TRIM44: variants seen among roughly 807,000 people sequenced by gnomAD.
The protein encoded by TRIM44 is tripartite motif-containing protein 44.
TRIM44 carries 13 observed loss-of-function variants against 37.4 expected under a neutral mutation model. The ratio of observed to expected loss-of-function variants is 0.35; its 90% CI spans 0.23 to 0.55. The LOEUF is 0.55. TRIM44 is among the 20% of genes least tolerant of loss of function. The probability of loss-of-function intolerance (pLI) is 0.89; values close to 1 mark genes in which losing one functional copy is unlikely to be tolerated. For missense variants in TRIM44, 426 were observed against 437.2 expected (o/e 0.97, Z 0.23); for synonymous variants, 175 against 157.2 (o/e 1.11, Z -0.85).
At position 35,663,752 on chromosome 11, in the gene TRIM44, C is replaced by T. The variant is rs1194386704; in HGVS notation, c.641C>T (p.Thr214Ile). The T allele has an allele frequency of 3.7e-6, 6 of 1,613,864 alleles. No individual in the cohort carries two copies. The highest frequency in any genetic ancestry group is 1.1e-5 in the South Asian group (1 of 91,060). Reference protein sequence around the residue: ...IGAHQGHQLSTLDEAFEELRS... With the variant: ...IGAHQGHQLSILDEAFEELRS... ...GCTCACCAGGGCCACCAACTCTCCA[C>T]CCTAGACGAAGCCTTTGAAGAATTA... The change falls in exon 1 of 5, where the codon ACC (threonine) becomes ATC (isoleucine). Residue 214 changes from threonine to isoleucine, a missense_variant. Physicochemically the swap from Thr to Ile is moderately conservative, Grantham distance 89 (BLOSUM62 -1). Transcript: ENST00000299413.
chr11:35,693,893 C>A (rs922970338), intron 2 of TRIM44, among the ~76,000 whole-genome samples: 1 of 152,068 alleles, frequency 6.6e-6, no homozygotes, highest in African/African-American at 2.4e-5. Context: ...GAATAGAGTG[C>A]GCTAGGGAGA....
chr11:35,794,547 GCTTA>G (rs1853256658), intron 4 of TRIM44, among the ~76,000 whole-genome samples: 1 of 152,208 alleles, frequency 6.6e-6, no homozygotes, highest in South Asian at 2.1e-4. Context: ...TTCCAGTAAG[GCTTA>G]CTTGTTTGTA....
At chr11:35,741,303 C>G (rs1482543595) in intron 4 of TRIM44, among the ~76,000 whole-genome samples, 2 of 152,136 alleles carry the variant, frequency 1.3e-5, no homozygotes, top group Non-Finnish European at 2.9e-5. Flanking sequence ...TCACTTAAGT[C>G]AGATGAAAGT....
At chr11:35,689,516 CT>C (rs1444963845) in intron 2 of TRIM44, among the ~76,000 whole-genome samples, 2 of 152,050 alleles carry the variant, frequency 1.3e-5, no homozygotes, top group Admixed American at 6.6e-5. Context: ...AGTTTGCAAA[CT>C]TTTTTTTCTC....
chr11:35,703,709 A>T (rs557429539), intron 2 of TRIM44, among the ~76,000 whole-genome samples: 44 of 151,904 alleles, frequency 2.9e-4, no homozygotes, highest in African/African-American at 9.1e-4. Flanking sequence ...GTCCTGTCTG[A>T]TAGAAGGAAA....
chr11:35,784,262 A>G (rs2133873642), intron 4 of TRIM44, among the ~76,000 whole-genome samples: 1 of 152,318 alleles, frequency 6.6e-6, no homozygotes. Context: ...TCGAAGTGAT[A>G]TACTTTCAGA....
At chr11:35,720,675 A>G (rs923844085) in intron 2 of TRIM44, among the ~76,000 whole-genome samples, 10 of 152,018 alleles carry the variant, frequency 6.6e-5, no homozygotes, top group Admixed American at 2.6e-4. Flanking sequence ...GCTGTAGGTA[A>G]TTGTAGATGT....
intron 3 of TRIM44, among the ~76,000 whole-genome samples, chr11:35,727,115 G>T (rs2135516599): frequency 6.6e-6 from 1 of 151,020 alleles, no homozygotes; most frequent in East Asian, 1.9e-4. Context: ...CTGTGATTGT[G>T]CCATTGCACT....
intron 4 of TRIM44, among the ~76,000 whole-genome samples, chr11:35,789,189 G>A (rs529385771): frequency 1.3e-5 from 2 of 152,208 alleles, no homozygotes; most frequent in African/African-American, 4.8e-5. Flanking sequence ...GTAGTGAGTG[G>A]GTGAGTGGCT....
intron 4 of TRIM44, among the ~76,000 whole-genome samples, chr11:35,788,055 C>G (rs958744588): frequency 6.6e-6 from 1 of 152,166 alleles, no homozygotes; most frequent in Admixed American, 6.5e-5. Flanking sequence ...CTTACCAGCC[C>G]TTGGGATCCT....
At chr11:35,797,776 C>G (rs1288766249) in intron 4 of TRIM44, among the ~76,000 whole-genome samples, 1 of 152,124 alleles carries the variant, frequency 6.6e-6, no homozygotes, top group African/African-American at 2.4e-5. Context: ...CGAGAGGAGC[C>G]TATGGAAACT....
chr11:35,740,111 A>G (rs1852374797), intron 4 of TRIM44, among the ~76,000 whole-genome samples: 1 of 150,588 alleles, frequency 6.6e-6, no homozygotes, highest in South Asian at 2.1e-4. Flanking sequence ...AAAAAAAAAA[A>G]AAAAAAAAGG....
chr11:35,817,031 A>G lies in TRIM44; in HGVS notation c.*10646A>G, dbSNP rs1429126192. 1 of 152,170 alleles carries G rather than the reference A, an allele frequency of 6.6e-6. No homozygotes were observed. Among genetic ancestry groups the G allele is most frequent in the East Asian group, 1.9e-4 (1 of 5,194 alleles). 9.4% of individuals were successfully genotyped at this position (152,170 alleles called of 1,614,324 possible). A position where few individuals can be genotyped will look rare whatever the true frequency, so the allele number is the denominator to read the frequency against. On this transcript the variant is annotated 3_prime_UTR_variant, in exon 5 of 5. Transcript: ENST00000299413. The stretch of plus-strand genomic sequence containing the variant: ...ATGTATTTACTTGTTCATAAGGTTG[A>G]TGTCTGTAACTCTTTGAAGGTTGTA...
At chr11:35,734,155 A>G (rs929632476) in intron 3 of TRIM44, among the ~76,000 whole-genome samples, 2 of 152,138 alleles carry the variant, frequency 1.3e-5, no homozygotes, top group African/African-American at 4.8e-5. Context: ...AGAAGGTTAG[A>G]TCATTATGAG....
rs1221176183 is a variant in TRIM44 at position 35,808,071 on chromosome 11, TTCAGTC to T, written c.*1687_*1692del. 4 of 152,086 alleles carry T rather than the reference TTCAGTC, an allele frequency of 2.6e-5. No individual in the cohort carries two copies. Among genetic ancestry groups the T allele is most frequent in the African/African-American group, 9.7e-5 (4 of 41,414 alleles). The allele number at this position is 152,086 out of a possible 1,614,324, so 9.4% of individuals were successfully genotyped here. ...TGTAGGAATCCTATTTATATTATTT[TTCAGTC>T]CTGTGAATGCTGTGAAAAGATTTAT... On this transcript the variant is annotated 3_prime_UTR_variant, in exon 5 of 5. Coordinates refer to ENST00000299413, the MANE Select transcript of TRIM44 (RefSeq NM_017583.6).
Position 35,676,064 on chromosome 11 carries a change from GTCT to G in TRIM44, c.670-9193_670-9191del, listed in dbSNP as rs540987049. On this transcript the variant is annotated intron_variant, in intron 1 of 4. Transcript: ENST00000299413. Reference sequence around the variant, plus strand: ...AGTTGGCTTTGCAGTCTGTTTTTGAGTCTTAGCTCTTCCACCTACTAGCTGTAT... The same window carrying G: ...AGTTGGCTTTGCAGTCTGTTTTTGAGTAGCTCTTCCACCTACTAGCTGTAT... 1.8e-4 allele frequency among the ~76,000 whole-genome samples: 27 copies of G among 152,252 alleles called. No homozygotes were observed. The South Asian group carries it at 5.2e-3, about 29-fold the overall frequency.
In TRIM44 at chr11:35,814,466, T is replaced by C. The variant is rs1307239602; in HGVS notation, c.*8081T>C. On this transcript the variant is annotated 3_prime_UTR_variant, in exon 5 of 5. Coordinates refer to ENST00000299413, the MANE Select transcript of TRIM44 (RefSeq NM_017583.6). Reference sequence around the variant, plus strand: ...CCAATACTAAGCCCTGGAACGAAGATAGGATTCATTTCTCATGGATTATTG... The same window carrying C: ...CCAATACTAAGCCCTGGAACGAAGACAGGATTCATTTCTCATGGATTATTG... 1.3e-5 allele frequency: 2 copies of C among 152,290 alleles called. No individual in the cohort carries two copies. Among genetic ancestry groups the C allele is most frequent in the Non-Finnish European group, 2.9e-5 (2 of 68,026 alleles). 9.4% of individuals were successfully genotyped at this position (152,290 alleles called of 1,614,324 possible). A position where few individuals can be genotyped will look rare whatever the true frequency, so the allele number is the denominator to read the frequency against.
intron 4 of TRIM44, among the ~76,000 whole-genome samples, chr11:35,745,723 A>G (rs1436690994): frequency 6.6e-6 from 1 of 152,192 alleles, no homozygotes; most frequent in African/African-American, 2.4e-5. Context: ...CCTGGCCAGG[A>G]TGCCATTTCA....
intron 2 of TRIM44, among the ~76,000 whole-genome samples, chr11:35,720,375 TCTATC>T (rs1242300325): frequency 1.1e-4 from 17 of 152,110 alleles, no homozygotes; most frequent in Non-Finnish European, 2.5e-4. Flanking sequence ...ATATCAGTCT[TCTATC>T]CTATAGTCTT....
Sources: gnomAD v4.1 joint callset for allele counts (sites outside exome capture counted in the v4.1 genomes callset) on GRCh38, gnomAD v4.1.1 for gene constraint, MANE v1.5 for transcripts, NCBI Gene and HGNC (gene_info 2026-07-23, HGNC 2026-07-21) for gene names.